The following CDH23 variants were observed in gnomAD, a reference collection of about 807,000 sequenced individuals.
CDH23 encodes cadherin-23.
Under a neutral mutation model 317.1 loss-of-function variants are expected in CDH23, and 189 were observed. The ratio of observed to expected loss-of-function variants is 0.60; its 90% CI spans 0.53 to 0.67. The LOEUF is 0.67. Among genes scored for constraint, CDH23 ranks in the 30% least tolerant of loss-of-function variants. CDH23 has a pLI of 0.00. For missense variants in CDH23, 4,401 were observed against 4,592.4 expected (o/e 0.96, Z 1.20); for synonymous variants, 1,839 against 1,876.8 (o/e 0.98, Z 0.52).
intron 60 of CDH23, 123 bp downstream of exon 60, chr10:71,808,130 C>A: frequency 8.7e-7 from 1 of 1,145,376 alleles, no homozygotes; most frequent in East Asian, 2.6e-5. Flanking sequence ...CCCCAGCCAG[C>A]CACACCAATC....
chr10:71,629,959 A>G (rs1861924626), intron 11 of CDH23, among the ~76,000 whole-genome samples: 1 of 152,178 alleles, frequency 6.6e-6, no homozygotes. Context: ...TCGCTCTCAA[A>G]TGGTTAAAAT....
intron 14 of CDH23, chr10:71,646,837 G>T: frequency 6.8e-7 from 1 of 1,478,452 alleles, no homozygotes; most frequent in Non-Finnish European, 9.0e-7. Context: ...AACCTGAGGG[G>T]TGACGAGACT....
intron 2 of CDH23, among the ~76,000 whole-genome samples, chr10:71,443,886 G>A (rs979527504): frequency 6.6e-6 from 1 of 152,262 alleles, no homozygotes; most frequent in Non-Finnish European, 1.5e-5. Flanking sequence ...GGTCCTGTTT[G>A]GTATGTGGCA....
At chr10:71,574,182 C>T (rs1475895979) in intron 8 of CDH23, among the ~76,000 whole-genome samples, 1 of 152,102 alleles carries the variant, frequency 6.6e-6, no homozygotes, top group Non-Finnish European at 1.5e-5. Context: ...CTCCCCAACT[C>T]CCCCTCTTTA....
In CDH23 at chr10:71,814,955, A is replaced by G. The variant is rs1227026387; in HGVS notation, c.9742A>G (p.Ile3248Val). 1 of 1,609,790 alleles carries G rather than the reference A, an allele frequency of 6.2e-7. No individual in the cohort carries two copies. Among genetic ancestry groups the G allele is most frequent in the African/African-American group, 1.3e-5 (1 of 74,884 alleles). Reference sequence around the variant, plus strand: ...TGGGGGTCCCGGCCTCTTGCAGCTGATACAGACTGAGCTGGACGAGGAGCC... The same window carrying G: ...TGGGGGTCCCGGCCTCTTGCAGCTGGTACAGACTGAGCTGGACGAGGAGCC... ...SSCHSSISEL[I>V]QTELDEEPGD... Residue 3248 changes from isoleucine to valine, a missense_variant, in exon 70 of 70, where the codon ATA becomes GTA. Ile to Val is a conservative substitution (Grantham distance 29). This residue lies in a region of CDH23 where 1,144 missense variants were observed against 1,138.2 expected (regional missense o/e 1.01). Transcript: ENST00000224721.
intron 19 of CDH23, among the ~76,000 whole-genome samples, chr10:71,688,523 A>AGGGGTGGTGGAACCAGGGATGGT (rs1865002880): frequency 6.7e-6 from 1 of 149,226 alleles, no homozygotes; most frequent in Non-Finnish European, 1.5e-5. Flanking sequence ...TGGTGGAGTC[A>AGGGGTGGTGGAACCAGGGATGGT]GGGGTGGTGG....
chr10:71,677,097 G>C (rs1027255948), intron 15 of CDH23, among the ~76,000 whole-genome samples: 1 of 152,124 alleles, frequency 6.6e-6, no homozygotes, highest in African/African-American at 2.4e-5. Flanking sequence ...CTAGCATTCT[G>C]GTGCAAAACG....
At chr10:71,601,534 T>G (rs1860216638) in intron 9 of CDH23, among the ~76,000 whole-genome samples, 1 of 152,228 alleles carries the variant, frequency 6.6e-6, no homozygotes, top group Non-Finnish European at 1.5e-5. Flanking sequence ...TCCTAGCCAC[T>G]GCAATATCTG....
chr10:71,572,259 TCCCA>T (rs1029964101), intron 8 of CDH23, among the ~76,000 whole-genome samples: 3 of 152,232 alleles, frequency 2.0e-5, no homozygotes, highest in African/African-American at 7.2e-5. Flanking sequence ...CCAGCCCATT[TCCCA>T]TGACTTTCCT....
intron 44 of CDH23, among the ~76,000 whole-genome samples, chr10:71,787,197 G>T (rs188439309): frequency 6.6e-6 from 1 of 152,216 alleles, no homozygotes; most frequent in Admixed American, 6.5e-5. Context: ...CCGTGAAGGA[G>T]TTAAATCCCT....
chr10:71,730,061 T>C (rs1038488838), intron 30 of CDH23, among the ~76,000 whole-genome samples: 36 of 152,194 alleles, frequency 2.4e-4, no homozygotes, highest in Admixed American at 9.8e-4. Context: ...GTCTCGATCT[T>C]CTGACCTCGT....
chr10:71,752,570 CT>C (rs1328812649), intron 38 of CDH23, among the ~76,000 whole-genome samples: 1 of 152,230 alleles, frequency 6.6e-6, no homozygotes, highest in East Asian at 1.9e-4. Flanking sequence ...AGCCTCTGCC[CT>C]TGTGGCCTGC....
intron 3 of CDH23, among the ~76,000 whole-genome samples, chr10:71,507,701 ATAAT>A (rs1171231302): frequency 1.3e-5 from 2 of 152,222 alleles, no homozygotes; most frequent in Non-Finnish European, 1.5e-5. Flanking sequence ...CACCCAAAAA[ATAAT>A]TAATTAATCA....
intron 34 of CDH23, among the ~76,000 whole-genome samples, 193 bp from the exon 35 acceptor site, chr10:71,738,305 A>G (rs1242587378): frequency 6.6e-6 from 1 of 152,116 alleles, no homozygotes; most frequent in Admixed American, 6.5e-5. Context: ...CCCCACACCA[A>G]TCAGACTGCT....
intron 9 of CDH23, among the ~76,000 whole-genome samples, chr10:71,611,481 T>C (rs568046379): frequency 6.6e-6 from 1 of 152,312 alleles, no homozygotes; most frequent in Admixed American, 6.5e-5. Flanking sequence ...GGAGAGACCA[T>C]GGTGGTACCA....
chr10:71,588,483 G>C (rs1255903257), intron 9 of CDH23, among the ~76,000 whole-genome samples: 1 of 152,050 alleles, frequency 6.6e-6, no homozygotes, highest in Non-Finnish European at 1.5e-5. Context: ...CTAACACATA[G>C]TAGGCACACT....
At chr10:71,519,734 G>A (rs1226288636) in intron 6 of CDH23, among the ~76,000 whole-genome samples, 3 of 152,088 alleles carry the variant, frequency 2.0e-5, no homozygotes, top group Non-Finnish European at 4.4e-5. Context: ...CACATACATA[G>A]GTTGTACTTG....
At chr10:71,544,061 A>G (rs1392765646) in intron 6 of CDH23, among the ~76,000 whole-genome samples, 2 of 152,352 alleles carry the variant, frequency 1.3e-5, no homozygotes, top group East Asian at 3.9e-4. Context: ...GGGGCAGGAT[A>G]GGATAAGGAG....
chr10:71,491,083 A>G (rs1852630263), intron 3 of CDH23, among the ~76,000 whole-genome samples: 1 of 152,208 alleles, frequency 6.6e-6, no homozygotes, highest in Non-Finnish European at 1.5e-5. Flanking sequence ...GTGCCATTCC[A>G]GGTAGCCGTG....
Sources: allele counts gnomAD v4.1 joint callset (sites outside exome capture counted in the v4.1 genomes callset), GRCh38; gene constraint gnomAD v4.1.1; regional missense constraint gnomAD v4.1.1; transcripts MANE v1.5; gene names NCBI Gene and HGNC (gene_info 2026-07-23, HGNC 2026-07-21).